Variants in ARB2A observed in about 807,000 individuals in gnomAD.
ARB2A encodes cotranscriptional regulator ARB2A.
At chr5:93,902,950 G>A in the ARB2A span, among the ~76,000 whole-genome samples, 1 of 152,044 alleles carries the variant, frequency 6.6e-6, no homozygotes. Context: ...CACAAGTGCT[G>A]GCCAAGCAAG....
the ARB2A span, among the ~76,000 whole-genome samples, chr5:93,636,734 CAT>C: frequency 6.6e-6 from 1 of 152,224 alleles, no homozygotes; most frequent in East Asian, 1.9e-4. Context: ...AATTAACCCA[CAT>C]GATATATCTT....
chr5:93,902,279 T>C, the ARB2A span, among the ~76,000 whole-genome samples: 1 of 152,178 alleles, frequency 6.6e-6, no homozygotes, highest in Non-Finnish European at 1.5e-5. Flanking sequence ...CCCTAAATGT[T>C]ACTCAGTTTT....
the ARB2A span, among the ~76,000 whole-genome samples, chr5:93,676,893 GA>G: frequency 6.6e-6 from 1 of 152,152 alleles, no homozygotes; most frequent in African/African-American, 2.4e-5. Context: ...TGAAGGAAAT[GA>G]AAGCAGTATG....
chr5:93,811,685 A>G, the ARB2A span, among the ~76,000 whole-genome samples: 1 of 152,168 alleles, frequency 6.6e-6, no homozygotes, highest in African/African-American at 2.4e-5. Context: ...CATGTTTCTC[A>G]TCTGTAAAAT....
the ARB2A span, among the ~76,000 whole-genome samples, chr5:93,855,722 T>G: frequency 6.6e-6 from 1 of 152,176 alleles, no homozygotes; most frequent in African/African-American, 2.4e-5. Context: ...TTATGAAGCT[T>G]AGTTTGGCTG....
the ARB2A span, among the ~76,000 whole-genome samples, chr5:93,975,174 G>A: frequency 1.3e-5 from 2 of 151,766 alleles, no homozygotes; most frequent in African/African-American, 4.8e-5. Context: ...AAATTAGCTG[G>A]GCATGGTAGC....
chr5:93,722,626 A>C, the ARB2A span, among the ~76,000 whole-genome samples: 5 of 152,262 alleles, frequency 3.3e-5, no homozygotes, highest in East Asian at 9.6e-4. Context: ...AGAGTGATTA[A>C]AGTTCTGGGG....
the ARB2A span, among the ~76,000 whole-genome samples, chr5:94,086,076 T>C: frequency 3.3e-5 from 5 of 152,210 alleles, no homozygotes; most frequent in Non-Finnish European, 5.9e-5. Context: ...ATTGATAGTG[T>C]TTTGAATCTT....
At chr5:93,744,709 C>T in the ARB2A span, among the ~76,000 whole-genome samples, 1 of 152,122 alleles carries the variant, frequency 6.6e-6, no homozygotes, top group Non-Finnish European at 1.5e-5. Flanking sequence ...TTAGTTGGAA[C>T]AGGAATAGAG....
the ARB2A span, among the ~76,000 whole-genome samples, chr5:93,920,174 T>C: frequency 6.6e-6 from 1 of 152,108 alleles, no homozygotes; most frequent in African/African-American, 2.4e-5. Context: ...GCCTGGATCA[T>C]AGGTACTGGC....
chr5:93,860,387 A>T, the ARB2A span, among the ~76,000 whole-genome samples: 1 of 152,152 alleles, frequency 6.6e-6, no homozygotes, highest in Non-Finnish European at 1.5e-5. Flanking sequence ...TGCCATATAG[A>T]GGTAAAAATG....
the ARB2A span, among the ~76,000 whole-genome samples, chr5:93,916,866 C>G: frequency 6.6e-6 from 1 of 151,884 alleles, no homozygotes; most frequent in Admixed American, 6.6e-5. Flanking sequence ...AAGATAGATA[C>G]AGGTAATAAC....
chr5:93,763,639 G>A, the ARB2A span, among the ~76,000 whole-genome samples: 11 of 152,178 alleles, frequency 7.2e-5, no homozygotes, highest in African/African-American at 1.7e-4. Context: ...ACAGATCAAC[G>A]AGACAGAAAG....
chr5:94,050,697 G>GGGGAAAAAAAAAAA, the ARB2A span: 1 of 1,486,068 alleles, frequency 6.7e-7, no homozygotes, highest in East Asian at 2.3e-5. Flanking sequence ...TTAAAATTGG[G>GGGGAAAAAAAAAAA]AAAAACAAAG....
the ARB2A span, among the ~76,000 whole-genome samples, chr5:94,092,865 C>T: frequency 5.3e-5 from 8 of 152,066 alleles, no homozygotes; most frequent in Admixed American, 3.9e-4. Context: ...CTACAAATAC[C>T]TCAATGTAGC....
the ARB2A span, among the ~76,000 whole-genome samples, chr5:94,040,772 C>T: frequency 1.3e-5 from 2 of 152,016 alleles, no homozygotes; most frequent in South Asian, 2.1e-4. Flanking sequence ...ACTATCTTGC[C>T]CAGAGATCAC....
At chr5:94,051,875 A>G in the ARB2A span, among the ~76,000 whole-genome samples, 1 of 152,128 alleles carries the variant, frequency 6.6e-6, no homozygotes, top group Non-Finnish European at 1.5e-5. Context: ...GCTGGAGAGT[A>G]CAGTGGCCCA....
At chr5:93,712,046 C>A in the ARB2A span, among the ~76,000 whole-genome samples, 2 of 152,104 alleles carry the variant, frequency 1.3e-5, no homozygotes, top group Admixed American at 6.5e-5. Flanking sequence ...AGTGCTGGGA[C>A]GGAAGTCCCA....
At chr5:93,942,045 C>T in the ARB2A span, among the ~76,000 whole-genome samples, 1 of 152,156 alleles carries the variant, frequency 6.6e-6, no homozygotes, top group East Asian at 1.9e-4. Context: ...ATTGGATTTT[C>T]AAAACTGAAC....
Sources: gnomAD v4.1 joint callset for allele counts (sites outside exome capture counted in the v4.1 genomes callset) on GRCh38, gnomAD v4.1.1 for gene constraint, MANE v1.5 for transcripts, NCBI Gene and HGNC (gene_info 2026-07-23, HGNC 2026-07-21) for gene names.